The following LAMB1 variants were observed in gnomAD, a reference collection of about 807,000 sequenced individuals.
LAMB1 encodes laminin subunit beta 1.
In LAMB1, 121 loss-of-function variants were observed where a neutral mutation model predicts 222.3. The observed-to-expected ratio is 0.54, with a 90% CI of 0.47 to 0.63. The LOEUF (loss-of-function observed/expected upper bound fraction) is 0.63, where lower values mean the gene tolerates loss of function less well. Among genes scored for constraint, LAMB1 ranks in the 30% least tolerant of loss-of-function variants. LAMB1 has a pLI of 0.00. For synonymous variants in LAMB1, 794 were observed against 807.2 expected (o/e 0.98, Z 0.28); for missense variants, 2,172 against 2,240.8 (o/e 0.97, Z 0.62).
At chr7:107,985,533 G>A (rs1369353290) in intron 7 of LAMB1, among the ~76,000 whole-genome samples, 1 of 152,160 alleles carries the variant, frequency 6.6e-6, no homozygotes, top group Non-Finnish European at 1.5e-5. Context: ...GGAGGCTGAG[G>A]CAGGAGAATC....
At chr7:107,935,042 C>A (rs1290708938) in intron 27 of LAMB1, among the ~76,000 whole-genome samples, 3 of 151,740 alleles carry the variant, frequency 2.0e-5, no homozygotes, top group Non-Finnish European at 4.4e-5. Context: ...TGTAGTGAGA[C>A]CCTGTCTCTA....
intron 5 of LAMB1, among the ~76,000 whole-genome samples, chr7:107,987,576 A>G (rs1016878276): frequency 1.3e-5 from 2 of 152,148 alleles, no homozygotes; most frequent in African/African-American, 4.8e-5. Context: ...TCTCAGTTCA[A>G]TGCATCCTCC....
intron 12 of LAMB1, among the ~76,000 whole-genome samples, chr7:107,973,731 C>T (rs761873593): frequency 5.9e-5 from 9 of 152,104 alleles, no homozygotes; most frequent in African/African-American, 2.2e-4. Context: ...CTACAACCTC[C>T]GCCTCCTGGT....
In LAMB1 at chr7:107,961,544, C is replaced by A; in HGVS notation, c.1985+5G>T. On this transcript the variant is annotated splice_donor_5th_base_variant and intron_variant, in intron 16 of 33. Coordinates refer to ENST00000222399, the MANE Select transcript of LAMB1 (RefSeq NM_002291.3). ...GTTGAGCTGCCAAACCACCGTCACA[C>A]TGACCTTGAGCCTGGTGATAATGAC... The A allele has an allele frequency of 6.2e-7, 1 of 1,611,698 alleles. No individual in the cohort carries two copies. Among genetic ancestry groups the A allele is most frequent in the Non-Finnish European group, 8.5e-7 (1 of 1,177,974 alleles).
chr7:107,959,568 G>A, intron 19 of LAMB1, 88 bp from the exon 20 acceptor site: 1 of 1,607,032 alleles, frequency 6.2e-7, no homozygotes, highest in South Asian at 1.1e-5. Context: ...CCCCAATTCA[G>A]AATGCTCATG....
At position 107,937,237 on chromosome 7, in the gene LAMB1, C is replaced by A; in HGVS notation, c.3802G>T (p.Glu1268Ter). The change falls in exon 26 of 34, where the codon GAA becomes TAA. Residue 1268 changes from glutamate to a stop codon, truncating the protein, a stop_gained. Coordinates refer to ENST00000222399, the MANE Select transcript of LAMB1 (RefSeq NM_002291.3). LOFTEE classifies it high-confidence loss of function. ...KDVTEMMAQVEVKLSDTTSQS... is the reference protein window; with the variant it reads ...KDVTEMMAQV The stretch of plus-strand genomic sequence containing the variant: ...GAAGTTGTGTCAGATAATTTCACTT[C>A]TACTTGAGCCATCATTTCTGTAACA... The A allele has an allele frequency of 6.2e-7, 1 of 1,613,902 alleles. No individual in the cohort carries two copies. The highest frequency in any genetic ancestry group is 8.5e-7 in the Non-Finnish European group (1 of 1,179,880).
At chr7:107,986,735 A>G (rs939647216) in intron 5 of LAMB1, among the ~76,000 whole-genome samples, 3 of 152,208 alleles carry the variant, frequency 2.0e-5, no homozygotes, top group African/African-American at 7.2e-5. Flanking sequence ...TAATCATTCA[A>G]TAAAGGTATG....
chr7:107,969,648 T>C (rs959301940), intron 13 of LAMB1, among the ~76,000 whole-genome samples: 3 of 152,220 alleles, frequency 2.0e-5, no homozygotes, highest in African/African-American at 4.8e-5. Flanking sequence ...GTGACCATCA[T>C]AGTGTACTTA....
chr7:107,965,208 C>G (rs928325151), intron 13 of LAMB1, among the ~76,000 whole-genome samples: 1 of 152,248 alleles, frequency 6.6e-6, no homozygotes, highest in African/African-American at 2.4e-5. Context: ...CACACTCCAT[C>G]AGGAACCAAA....
At chr7:107,977,590 C>A (rs1300057395) in intron 9 of LAMB1, among the ~76,000 whole-genome samples, 1 of 152,046 alleles carries the variant, frequency 6.6e-6, no homozygotes, top group African/African-American at 2.4e-5. Flanking sequence ...GAGTTCAAGA[C>A]CAGCCTGACT....
Position 107,939,916 on chromosome 7 carries a change from G to A in LAMB1, c.3761+73C>T, listed in dbSNP as rs1584490550. 3 of 1,511,890 alleles carry A rather than the reference G, an allele frequency of 2.0e-6. No individual in the cohort carries two copies. In the East Asian group the frequency reaches 6.8e-5, roughly 34 times the overall value. 93.7% of individuals were successfully genotyped at this position (1,511,890 alleles called of 1,614,324 possible). ...ACCTCCTGATGGAAGCACCATGCCA[G>A]GAAATCTTTGCTGTTAACTCACAAT... On this transcript the variant is annotated intron_variant, in intron 25 of 33. Transcript: ENST00000222399.
intron 4 of LAMB1, 134 bp downstream of exon 4, chr7:107,998,223 G>T: frequency 2.6e-6 from 2 of 783,432 alleles, no homozygotes; most frequent in Non-Finnish European, 4.1e-6. Flanking sequence ...TAGTGCTCCA[G>T]GCAGTCAATC....
At chr7:107,932,463 G>T in intron 27 of LAMB1, 86 bp from the exon 28 acceptor site, 1 of 1,339,654 alleles carries the variant, frequency 7.5e-7, no homozygotes, top group Non-Finnish European at 1.1e-6. Context: ...GGTGGCCCCA[G>T]AGAATGTGTA....
At chr7:107,971,943 G>A (rs948121992) in intron 13 of LAMB1, among the ~76,000 whole-genome samples, 34 of 152,138 alleles carry the variant, frequency 2.2e-4, no homozygotes, top group Non-Finnish European at 4.7e-4. Flanking sequence ...TTTGAACTGA[G>A]GAGTCATTTA....
At chr7:107,984,905 T>C (rs1244179768) in intron 7 of LAMB1, among the ~76,000 whole-genome samples, 1 of 152,200 alleles carries the variant, frequency 6.6e-6, no homozygotes, top group Non-Finnish European at 1.5e-5. Flanking sequence ...CAAATGTAAC[T>C]GGGCATCATC....
intron 20 of LAMB1, 95 bp downstream of exon 20, chr7:107,959,154 T>A: frequency 1.0e-6 from 1 of 952,766 alleles, no homozygotes; most frequent in Non-Finnish European, 1.6e-6. Context: ...ATGAGCGAGC[T>A]GAAGCCTGGT....
Position 108,002,853 on chromosome 7 carries a change from G to A in LAMB1, c.33C>T (p.Phe11=). MGLLQLLAFS[F]LALCRARVRA... The stretch of plus-strand genomic sequence containing the variant: ...GCACCGTTTCCACGGAATTACCTAA[G>A]AAACTGAAAGCTAGCAACTGGAGAA... Residue 11 remains phenylalanine (F), a synonymous_variant, in exon 2 of 34, where the codon TTC becomes TTT. Coordinates refer to ENST00000222399, the MANE Select transcript of LAMB1 (RefSeq NM_002291.3). 1 of 1,614,172 alleles carries A rather than the reference G, an allele frequency of 6.2e-7. No individual in the cohort carries two copies. Among genetic ancestry groups the A allele is most frequent in the Non-Finnish European group, 8.5e-7 (1 of 1,180,026 alleles).
At chr7:107,942,906 C>T (rs1248298155) in intron 24 of LAMB1, among the ~76,000 whole-genome samples, 2 of 152,160 alleles carry the variant, frequency 1.3e-5, no homozygotes, top group Non-Finnish European at 2.9e-5. Context: ...AATATTAATT[C>T]CTCAACCTTT....
Position 107,924,346 on chromosome 7 carries a change from T to G in LAMB1, c.5108A>C (p.Asn1703Thr). The G allele has an allele frequency of 6.2e-7, 1 of 1,611,968 alleles. No homozygotes were observed. The highest frequency in any genetic ancestry group is 8.5e-7 in the Non-Finnish European group (1 of 1,178,874). The change falls in exon 33 of 34, where the codon AAT (asparagine) becomes ACT (threonine). Residue 1703 changes from asparagine (N) to threonine (T), a missense_variant. Asn to Thr is a moderately conservative substitution (Grantham distance 65). Transcript: ENST00000222399. ...ELDEKYKKVE[N>T]LIAKKTEESA... ...CTCTTCAGTTTTTTTGGCAATTAAA[T>G]TTTCTACTTTTTTATACTTTTCATC...
Sources: allele counts gnomAD v4.1 joint callset (sites outside exome capture counted in the v4.1 genomes callset), GRCh38; gene constraint gnomAD v4.1.1; transcripts MANE v1.5; gene names NCBI Gene and HGNC (gene_info 2026-07-23, HGNC 2026-07-21).